Variants in NUP107 observed in about 807,000 individuals in gnomAD.
NUP107 encodes the protein nucleoporin 107.
Under a neutral mutation model 141.0 loss-of-function variants are expected in NUP107, and 101 were observed. The ratio of observed to expected loss-of-function variants is 0.72; its 90% CI spans 0.61 to 0.84. The LOEUF is 0.84. Among genes scored for constraint, NUP107 ranks in the 40% least tolerant of loss-of-function variants. NUP107 has a pLI of 0.00. For synonymous variants in NUP107, 319 were observed against 363.9 expected (o/e 0.88, Z 1.41); for missense variants, 941 against 1,102.7 (o/e 0.85, Z 2.08).
intron 1 of NUP107, chr12:68,687,297 C>A: frequency 1.5e-6 from 1 of 674,964 alleles, no homozygotes; most frequent in Non-Finnish European, 2.3e-6. Context: ...TTTCCCACTA[C>A]GTTCTGCGAT....
chr12:68,692,504 G>A (rs1009708383), intron 5 of NUP107, among the ~76,000 whole-genome samples: 11 of 151,764 alleles, frequency 7.2e-5, no homozygotes, highest in African/African-American at 1.9e-4. Flanking sequence ...GCTTGAACCC[G>A]GGAGGCAGAG....
Position 68,731,716 on chromosome 12 carries a change from T to A in NUP107, c.1995T>A (p.Thr665=). 1 of 1,516,480 alleles carries A rather than the reference T, an allele frequency of 6.6e-7. No homozygotes were observed. Among genetic ancestry groups the A allele is most frequent in the Non-Finnish European group, 8.9e-7 (1 of 1,128,668 alleles). 93.9% of individuals were successfully genotyped at this position (1,516,480 alleles called of 1,614,324 possible). A position where few individuals can be genotyped will look rare whatever the true frequency, so the allele number is the denominator to read the frequency against. ...CCCCAGCCCTAGATACTGGCACTAC[T>A]GAGGTAATTTGGGATGGGGGGGCAG... is the stretch of plus-strand genomic sequence containing the variant. ...DLAPALDTGT[T]EEDRLKIDVI... The change falls in exon 22 of 28, where the codon ACT becomes ACA. Residue 665 remains threonine, a synonymous_variant. Coordinates refer to ENST00000229179, the MANE Select transcript of NUP107 (RefSeq NM_020401.4).
At chr12:68,741,701 G>T in intron 26 of NUP107, 112 bp from the exon 27 acceptor site, 3 of 908,244 alleles carry the variant, frequency 3.3e-6, no homozygotes, top group Admixed American at 5.1e-5. Flanking sequence ...CTTTTTTGCT[G>T]TTAAATCTTG....
At chr12:68,705,537 A>T in intron 8 of NUP107, 1 of 285,452 alleles carries the variant, frequency 3.5e-6, no homozygotes, top group South Asian at 3.5e-5. Flanking sequence ...TTCTTTAAAA[A>T]AAAAAAAAAA....
At chr12:68,731,483 A>T in intron 21 of NUP107, 124 bp from the exon 22 acceptor site, 2 of 602,938 alleles carry the variant, frequency 3.3e-6, no homozygotes, top group Non-Finnish European at 5.4e-6. Flanking sequence ...AATATCTTTC[A>T]TATTTTACAT....
At chr12:68,736,717 C>CCTTTTTTTTTT (rs1878083915) in intron 26 of NUP107, among the ~76,000 whole-genome samples, 1 of 105,894 alleles carries the variant, frequency 9.4e-6, no homozygotes, top group Non-Finnish European at 1.8e-5. Context: ...GTGTCGCCAC[C>CCTTTTTTTTTT]TTTTTTTTTT....
rs781772832 is a variant in NUP107 at position 68,715,727 on chromosome 12, G to T, written c.1070G>T (p.Gly357Val). ...LKYLFTLIRA[G>V]MTEEAQRLCK... Reference sequence around the variant, plus strand: ...TATCTCTTTACTCTAATCCGTGCTGGAATGACAGAAGAGGTCAGTCATGTA... The same window carrying T: ...TATCTCTTTACTCTAATCCGTGCTGTAATGACAGAAGAGGTCAGTCATGTA... The change falls in exon 12 of 28, where the codon GGA becomes GTA. Residue 357 changes from glycine (G) to valine (V), a missense_variant. Gly to Val is a moderately radical substitution (Grantham distance 109). Coordinates refer to ENST00000229179, the MANE Select transcript of NUP107 (RefSeq NM_020401.4). The T allele has an allele frequency of 1.2e-6, 2 of 1,601,970 alleles. No homozygotes were observed. Among genetic ancestry groups the T allele is most frequent in the South Asian group, 1.1e-5 (1 of 90,824 alleles).
In NUP107 at chr12:68,710,006, T is replaced by A; in HGVS notation, c.803T>A (p.Leu268Gln). 1 of 1,569,082 alleles carries A rather than the reference T, an allele frequency of 6.4e-7. No individual in the cohort carries two copies. The highest frequency in any genetic ancestry group is 8.7e-7 in the Non-Finnish European group (1 of 1,143,962). Residue 268 changes from leucine to glutamine, a missense_variant and splice_region_variant, in exon 10 of 28, where the codon CTG becomes CAG. Coordinates refer to ENST00000229179, the MANE Select transcript of NUP107 (RefSeq NM_020401.4). ...QRDSLVRQSQ[L>Q]VVDWLESIAK... ...TTTATTTTTTTCTTTCTTTCTTAGC[T>A]GGTGGTAGATTGGTTAGAGAGTATT...
intron 8 of NUP107, among the ~76,000 whole-genome samples, chr12:68,708,831 CT>C (rs1458333539): frequency 1.3e-5 from 2 of 152,142 alleles, no homozygotes; most frequent in Non-Finnish European, 2.9e-5. Flanking sequence ...TTTGGCCAGA[CT>C]GGTCTCGAAC....
chr12:68,687,536 A>G, intron 1 of NUP107: 3 of 992,224 alleles, frequency 3.0e-6, no homozygotes, highest in Non-Finnish European at 3.6e-6. Flanking sequence ...GTTATTCAAG[A>G]TCCTTCCCCT....
intron 6 of NUP107, among the ~76,000 whole-genome samples, chr12:68,698,982 A>G (rs984823586): frequency 6.6e-5 from 10 of 152,122 alleles, no homozygotes; most frequent in Non-Finnish European, 1.3e-4. Context: ...TAACAGATAT[A>G]CCATTCTAGT....
intron 8 of NUP107, among the ~76,000 whole-genome samples, chr12:68,703,951 G>A (rs999702349): frequency 1.3e-5 from 2 of 152,194 alleles, no homozygotes; most frequent in Non-Finnish European, 2.9e-5. Context: ...GCACATGCCT[G>A]TGGTCCCAGC....
chr12:68,731,709 G>A lies in NUP107; in HGVS notation c.1988G>A (p.Gly663Asp), dbSNP rs766712862. The A allele has an allele frequency of 6.5e-7, 1 of 1,545,086 alleles. No homozygotes were observed. Among genetic ancestry groups the A allele is most frequent in the Non-Finnish European group, 8.7e-7 (1 of 1,148,462 alleles). Residue 663 changes from glycine to aspartate, a missense_variant, in exon 22 of 28, where the codon GGC becomes GAC. Coordinates refer to ENST00000229179, the MANE Select transcript of NUP107 (RefSeq NM_020401.4). ...GACCTGGCCCCAGCCCTAGATACTGGCACTACTGAGGTAATTTGGGATGGG... is the reference window on the plus strand; with the variant it reads ...GACCTGGCCCCAGCCCTAGATACTGACACTACTGAGGTAATTTGGGATGGG... Reference protein sequence around the residue: ...HHDLAPALDTGTTEEDRLKID... With the variant: ...HHDLAPALDTDTTEEDRLKID...
intron 6 of NUP107, among the ~76,000 whole-genome samples, chr12:68,697,323 C>A: frequency 6.6e-6 from 1 of 152,056 alleles, no homozygotes; most frequent in South Asian, 2.1e-4. Context: ...CCTTGGGAGG[C>A]TCAGGTGGGA....
Position 68,690,690 on chromosome 12 carries a change from G to A in NUP107, c.247G>A (p.Gly83Arg), listed in dbSNP as rs888022424. 6.2e-7 allele frequency: 1 copy of A among 1,614,056 alleles called. No homozygotes were observed. Among genetic ancestry groups the A allele is most frequent in the African/African-American group, 1.3e-5 (1 of 74,934 alleles). Residue 83 changes from glycine to arginine, a missense_variant, in exon 4 of 28, where the codon GGA becomes AGA. Gly to Arg is a moderately radical substitution (Grantham distance 125). Transcript: ENST00000229179. Reference sequence around the variant, plus strand: ...AGATATTTCCTGCATTCTTGGAACAGGAGGGAAGTCGCCCCGACTTACGCA... The same window carrying A: ...AGATATTTCCTGCATTCTTGGAACAAGAGGGAAGTCGCCCCGACTTACGCA... ...QPDISCILGT[G>R]GKSPRLTQSS...
At chr12:68,693,531 AGAT>A (rs1324817394) in intron 5 of NUP107, among the ~76,000 whole-genome samples, 1 of 152,170 alleles carries the variant, frequency 6.6e-6, no homozygotes, top group African/African-American at 2.4e-5. Flanking sequence ...TCTGGAGCCT[AGAT>A]GTCTGAGTTA....
At chr12:68,737,515 C>A (rs1005485535) in intron 26 of NUP107, among the ~76,000 whole-genome samples, 1 of 138,808 alleles carries the variant, frequency 7.2e-6, no homozygotes, top group Non-Finnish European at 1.5e-5. Flanking sequence ...GAGCCGAGAT[C>A]GTGCCACTGC....
intron 26 of NUP107, among the ~76,000 whole-genome samples, chr12:68,740,871 A>T (rs1878291833): frequency 6.6e-6 from 1 of 151,764 alleles, no homozygotes; most frequent in African/African-American, 2.4e-5. Context: ...AAATAATAAA[A>T]TTATTTTTTT....
At chr12:68,721,621 C>T (rs1388654418) in intron 15 of NUP107, among the ~76,000 whole-genome samples, 1 of 152,116 alleles carries the variant, frequency 6.6e-6, no homozygotes, top group Non-Finnish European at 1.5e-5. Flanking sequence ...GCCTGGAAAA[C>T]TGATGTTGTT....
Sources: allele counts gnomAD v4.1 joint callset (sites outside exome capture counted in the v4.1 genomes callset), GRCh38; gene constraint gnomAD v4.1.1; transcripts MANE v1.5; gene names NCBI Gene and HGNC (gene_info 2026-07-23, HGNC 2026-07-21).